Variants in DCT observed in about 807,000 individuals in gnomAD.
DCT encodes the protein L-dopachrome tautomerase.
In DCT, 47 loss-of-function variants were observed where a neutral mutation model predicts 53.0. The ratio of observed to expected loss-of-function variants is 0.89; its 90% CI spans 0.70 to 1.13. The LOEUF is 1.13. Ranked by LOEUF, DCT falls within the 50% of genes most tolerant of loss-of-function variation. DCT has a pLI of 0.00. For missense variants in DCT, 669 were observed against 637.4 expected (o/e 1.05, Z -0.53); for synonymous variants, 244 against 237.0 (o/e 1.03, Z -0.27).
At chr13:94,532,682 T>C in the DCT span, among the ~76,000 whole-genome samples, 3 of 152,156 alleles carry the variant, frequency 2.0e-5, no homozygotes, top group Non-Finnish European at 4.4e-5. Flanking sequence ...AAACACCTAA[T>C]GTAAATGACA....
chr13:94,451,422 C>T (rs1594283863), intron 6 of DCT, among the ~76,000 whole-genome samples: 2 of 152,094 alleles, frequency 1.3e-5, no homozygotes, highest in South Asian at 2.1e-4. Context: ...TCTAAACTGA[C>T]AAAAGGCAAA....
At chr13:94,484,362 A>G (rs1435117731), upstream of DCT, among the ~76,000 whole-genome samples, 3 of 152,236 alleles carry the variant, frequency 2.0e-5, no homozygotes, top group Non-Finnish European at 4.4e-5. Flanking sequence ...TTTTTACTGC[A>G]TTTGAAATCA....
At chr13:94,447,254 C>T (rs977527408) in intron 6 of DCT, among the ~76,000 whole-genome samples, 31 of 152,158 alleles carry the variant, frequency 2.0e-4, no homozygotes, top group South Asian at 2.1e-4. Context: ...ACAATTTTCA[C>T]GGACCAGGGG....
chr13:94,469,670 G>A (rs987716087), intron 1 of DCT, among the ~76,000 whole-genome samples: 6 of 152,184 alleles, frequency 3.9e-5, no homozygotes, highest in Non-Finnish European at 5.9e-5. Context: ...TCCCAGGATC[G>A]CAGGCGTGTC....
At chr13:94,461,433 C>T (rs1471156195) in intron 5 of DCT, among the ~76,000 whole-genome samples, 2 of 152,132 alleles carry the variant, frequency 1.3e-5, no homozygotes, top group Non-Finnish European at 2.9e-5. Flanking sequence ...GTCTCAAACT[C>T]CTGGACTCAA....
the DCT span, among the ~76,000 whole-genome samples, chr13:94,490,676 A>T: frequency 6.6e-6 from 1 of 151,210 alleles, no homozygotes; most frequent in Non-Finnish European, 1.5e-5. Context: ...AAAAACCTCC[A>T]AACTTTCATA....
chr13:94,547,984 A>ATATATAT, the DCT span, among the ~76,000 whole-genome samples: 12 of 65,822 alleles, frequency 1.8e-4, no homozygotes, highest in African/African-American at 1.3e-3. Flanking sequence ...AAAAAAAAAA[A>ATATATAT]ATATATATAT....
At chr13:94,494,804 T>A in the DCT span, among the ~76,000 whole-genome samples, 9,515 of 152,238 alleles carry the variant, frequency 0.063, 343 homozygotes, top group Non-Finnish European at 0.08. Context: ...TATACATAAT[T>A]GAAACAAAAT....
the DCT span, among the ~76,000 whole-genome samples, chr13:94,519,127 A>C: frequency 0.097 from 14,706 of 152,170 alleles, 1,686 homozygotes; most frequent in African/African-American, 0.27. Context: ...CTCCCTGCCT[A>C]GGTCACATCT....
chr13:94,549,347 G>A, the DCT span, among the ~76,000 whole-genome samples: 7 of 152,302 alleles, frequency 4.6e-5, no homozygotes, highest in East Asian at 1.9e-4. Flanking sequence ...GGCGGCGCGC[G>A]GCCCCGTCTC....
the DCT span, among the ~76,000 whole-genome samples, chr13:94,484,918 G>A: frequency 3.9e-5 from 6 of 152,148 alleles, no homozygotes; most frequent in Middle Eastern, 3.2e-3. Flanking sequence ...GGTTTATTTT[G>A]CCTCTGTCCA....
intron 6 of DCT, among the ~76,000 whole-genome samples, chr13:94,459,053 G>C (rs60671674): frequency 6.6e-6 from 1 of 151,516 alleles, no homozygotes; most frequent in Non-Finnish European, 1.5e-5. Flanking sequence ...ATTTGTAAAG[G>C]TTTTTGGTAG....
At chr13:94,472,058 T>A (rs912498203) in intron 1 of DCT, among the ~76,000 whole-genome samples, 4 of 152,156 alleles carry the variant, frequency 2.6e-5, no homozygotes, top group Non-Finnish European at 5.9e-5. Context: ...TAATAATAAT[T>A]TAATACCTTT....
the DCT span, among the ~76,000 whole-genome samples, chr13:94,528,100 A>G: frequency 1.3e-5 from 2 of 152,216 alleles, no homozygotes; most frequent in Non-Finnish European, 2.9e-5. Context: ...AAAAGAGTGA[A>G]AAGCAATGAA....
the DCT span, among the ~76,000 whole-genome samples, chr13:94,513,069 T>C: frequency 2.0e-5 from 3 of 152,226 alleles, no homozygotes; most frequent in Non-Finnish European, 4.4e-5. Context: ...GTCTTACCCA[T>C]GTATTTAAAG....
At chr13:94,476,794 A>G (rs1017563565) in intron 1 of DCT, among the ~76,000 whole-genome samples, 1 of 152,126 alleles carries the variant, frequency 6.6e-6, no homozygotes, top group Non-Finnish European at 1.5e-5. Context: ...CATAGAAATA[A>G]TTGTTCTAGA....
At chr13:94,506,264 C>T in the DCT span, among the ~76,000 whole-genome samples, 57,704 of 151,996 alleles carry the variant, frequency 0.38, 11,423 homozygotes, top group East Asian at 0.61. Flanking sequence ...TTCTAAATAC[C>T]ATTCTCCATT....
chr13:94,466,473 T>C, intron 3 of DCT, 85 bp downstream of exon 3: 1 of 749,380 alleles, frequency 1.3e-6, no homozygotes, highest in Non-Finnish European at 2.1e-6. Flanking sequence ...AAGATAAGTA[T>C]ATCAAAATTC....
the DCT span, among the ~76,000 whole-genome samples, chr13:94,529,990 A>G: frequency 6.6e-6 from 1 of 152,236 alleles, no homozygotes; most frequent in East Asian, 1.9e-4. Context: ...CCATCAGAGA[A>G]TACTATAAAC....
Sources: gnomAD v4.1 joint callset for allele counts (sites outside exome capture counted in the v4.1 genomes callset) on GRCh38, gnomAD v4.1.1 for gene constraint, MANE v1.5 for transcripts, NCBI Gene and HGNC (gene_info 2026-07-23, HGNC 2026-07-21) for gene names.